The following ADARB2 variants were observed in gnomAD, a reference collection of about 807,000 sequenced individuals.
ADARB2 encodes inactive double-stranded RNA-specific editase B2.
ADARB2 carries 25 observed loss-of-function variants against 62.2 expected under a neutral mutation model. That is an observed-to-expected ratio of 0.40 (90% CI 0.29 to 0.56). The LOEUF (loss-of-function observed/expected upper bound fraction) is 0.56. Among genes scored for constraint, ADARB2 ranks in the 20% least tolerant of loss-of-function variants. The pLI, the probability that ADARB2 is intolerant of heterozygous loss-of-function variation, is 0.43. For synonymous variants in ADARB2, 572 were observed against 500.8 expected, an observed-to-expected ratio of 1.14 and a Z score of -1.90; for missense variants, 1,071 against 1,077.4, an observed-to-expected ratio of 0.99 and a Z score of 0.08.
intron 4 of ADARB2, among the ~76,000 whole-genome samples, chr10:1,267,169 G>A (rs980124198): frequency 1.3e-5 from 2 of 151,654 alleles, no homozygotes; most frequent in East Asian, 3.9e-4. Flanking sequence ...CCCCTCCCGG[G>A]TAGGTGTGGG....
chr10:1,373,703 C>G (rs1832394375), intron 2 of ADARB2, among the ~76,000 whole-genome samples: 1 of 152,210 alleles, frequency 6.6e-6, no homozygotes, highest in Admixed American at 6.5e-5. Context: ...CCCTCTTGCC[C>G]TCACTGGGGC....
chr10:1,702,701 C>G (rs577553446), intron 1 of ADARB2, among the ~76,000 whole-genome samples: 7 of 152,320 alleles, frequency 4.6e-5, no homozygotes, highest in South Asian at 2.1e-4. Flanking sequence ...TCCTGCCGGC[C>G]TCTCTGGGCC....
At chr10:1,334,983 T>C (rs931648316) in intron 3 of ADARB2, among the ~76,000 whole-genome samples, 2 of 152,220 alleles carry the variant, frequency 1.3e-5, no homozygotes, top group Non-Finnish European at 2.9e-5. Flanking sequence ...GTGGGGCCCT[T>C]GTTAAAAGTG....
chr10:1,245,307 T>G (rs1830973819), intron 4 of ADARB2, among the ~76,000 whole-genome samples: 1 of 152,152 alleles, frequency 6.6e-6, no homozygotes, highest in African/African-American at 2.4e-5. Context: ...AGGAAGATTT[T>G]TATTTATTTA....
chr10:1,433,912 T>C (rs1198476354), intron 1 of ADARB2, among the ~76,000 whole-genome samples: 4 of 152,248 alleles, frequency 2.6e-5, no homozygotes, highest in Non-Finnish European at 5.9e-5. Context: ...GGACCCTATA[T>C]GGTGGCATTA....
chr10:1,474,729 A>T (rs1388077614), intron 1 of ADARB2, among the ~76,000 whole-genome samples: 1 of 152,162 alleles, frequency 6.6e-6, no homozygotes, highest in Non-Finnish European at 1.5e-5. Context: ...GATGAGCCCC[A>T]GGCAGCGGGT....
intron 3 of ADARB2, among the ~76,000 whole-genome samples, chr10:1,322,663 A>C (rs1363601805): frequency 1.3e-5 from 2 of 152,326 alleles, no homozygotes; most frequent in East Asian, 3.9e-4. Context: ...AGCCACTGGC[A>C]CATCACCCAC....
intron 1 of ADARB2, among the ~76,000 whole-genome samples, chr10:1,611,481 T>C (rs537818608): frequency 6.6e-6 from 1 of 152,234 alleles, no homozygotes; most frequent in Non-Finnish European, 1.5e-5. Context: ...TCTTGCTGCT[T>C]CACTCGCTGG....
intron 1 of ADARB2, among the ~76,000 whole-genome samples, chr10:1,734,494 T>A (rs1048942756): frequency 6.6e-6 from 1 of 152,152 alleles, no homozygotes; most frequent in African/African-American, 2.4e-5. Flanking sequence ...ATAAGAAGCA[T>A]ATCATGCCAA....
intron 1 of ADARB2, among the ~76,000 whole-genome samples, chr10:1,437,484 C>G (rs1032341215): frequency 6.6e-6 from 1 of 152,126 alleles, no homozygotes; most frequent in Non-Finnish European, 1.5e-5. Context: ...CACGCAGCCA[C>G]GGGTTTATTA....
Position 1,363,508 on chromosome 10 carries a change from G to T in ADARB2, c.597C>A (p.His199Gln). 1 of 1,531,496 alleles carries T rather than the reference G, an allele frequency of 6.5e-7. No individual in the cohort carries two copies. The highest frequency in any genetic ancestry group is 2.5e-5 in the East Asian group (1 of 39,718). 94.9% of individuals were successfully genotyped at this position (1,531,496 alleles called of 1,614,324 possible). ...FVQFPNACQA[H>Q]LAMGGGPGPG... ...GGCCCGGGCCCCCGCCCATGGCCAG[G>T]TGCGCCTGGCAGGCGTTGGGGAACT... The change falls in exon 3 of 10, where the codon CAC becomes CAA. Residue 199 changes from histidine (H) to glutamine (Q), a missense_variant. Physicochemically the swap from His to Gln is conservative, Grantham distance 24. Coordinates refer to ENST00000381312, the MANE Select transcript of ADARB2 (RefSeq NM_018702.4).
At chr10:1,476,890 A>C (rs1018164310) in intron 1 of ADARB2, among the ~76,000 whole-genome samples, 1 of 152,066 alleles carries the variant, frequency 6.6e-6, no homozygotes, top group Non-Finnish European at 1.5e-5. Flanking sequence ...GCCACAAGTG[A>C]GGGTGGCCGC....
intron 1 of ADARB2, among the ~76,000 whole-genome samples, chr10:1,505,821 G>C (rs533194943): frequency 3.7e-4 from 56 of 152,308 alleles, no homozygotes; most frequent in African/African-American, 1.3e-3. Context: ...ACATCTTCTT[G>C]AATTAGGAGG....
intron 2 of ADARB2, among the ~76,000 whole-genome samples, chr10:1,365,705 G>A (rs1447603755): frequency 6.6e-6 from 1 of 152,194 alleles, no homozygotes; most frequent in Non-Finnish European, 1.5e-5. Context: ...AGCATTTTGG[G>A]AGCTTCGGGC....
chr10:1,363,872 A>T lies in ADARB2; in HGVS notation c.233T>A (p.Leu78Gln), dbSNP rs1396665274. 2.0e-6 allele frequency: 3 copies of T among 1,491,714 alleles called. No individual in the cohort carries two copies. The highest frequency in any genetic ancestry group is 2.9e-5 in the African/African-American group (2 of 69,642). The allele number at this position is 1,491,714 out of a possible 1,614,324, so 92.4% of individuals were successfully genotyped here. ...CCCGGAGGGCGGTGGCCGCGCGGCC[A>T]GGTTGCCCACGTTGCGGTTCTCCTT... ...EVKENRNVGN[L>Q]AARPPPSGDR... is the part of the protein sequence containing the mutation. The change falls in exon 3 of 10, where the codon CTG becomes CAG. Residue 78 changes from leucine to glutamine, a missense_variant. Coordinates refer to ENST00000381312, the MANE Select transcript of ADARB2 (RefSeq NM_018702.4).
chr10:1,517,061 C>G (rs1379187317), intron 1 of ADARB2, among the ~76,000 whole-genome samples: 2 of 152,188 alleles, frequency 1.3e-5, no homozygotes, highest in African/African-American at 4.8e-5. Context: ...TGGCGTCAGG[C>G]CGCCTGCTCA....
At chr10:1,435,497 G>T (rs570463499) in intron 1 of ADARB2, among the ~76,000 whole-genome samples, 10 of 148,378 alleles carry the variant, frequency 6.7e-5, no homozygotes, top group Admixed American at 1.3e-4. Context: ...GACCATTAAC[G>T]AGGGGGCCTG....
chr10:1,242,343 C>T (rs111637007), intron 4 of ADARB2, 44 bp from the exon 5 acceptor site: 49 of 1,503,084 alleles, frequency 3.3e-5, no homozygotes, highest in African/African-American at 1.1e-4. Context: ...CCACGGCCCC[C>T]GTCTCCCTCC....
intron 6 of ADARB2, among the ~76,000 whole-genome samples, chr10:1,223,943 G>A (rs947100245): frequency 6.6e-6 from 1 of 152,206 alleles, no homozygotes; most frequent in Non-Finnish European, 1.5e-5. Context: ...CTCGTAAAAT[G>A]CGTTAGGGAG....
Sources: allele counts gnomAD v4.1 joint callset (sites outside exome capture counted in the v4.1 genomes callset), GRCh38; gene constraint gnomAD v4.1.1; transcripts MANE v1.5; gene names NCBI Gene and HGNC (gene_info 2026-07-23, HGNC 2026-07-21).